CIC: variants seen among roughly 807,000 people sequenced by gnomAD.
The protein encoded by CIC is capicua transcriptional repressor.
A neutral mutation model predicts 115.7 loss-of-function variants in CIC; 18 were observed. The ratio of observed to expected loss-of-function variants is 0.16; its 90% CI spans 0.11 to 0.23. The LOEUF is 0.23. CIC is among the 10% of genes least tolerant of loss of function. CIC has a pLI of 1.00. For synonymous variants in CIC, 1,076 were observed against 923.0 expected, an observed-to-expected ratio of 1.17 and a Z score of -3.01; for missense variants, 2,000 against 2,159.3, an observed-to-expected ratio of 0.93 and a Z score of 1.46.
chr19:42,276,457 G>T (rs1001343201), intron 2 of CIC, among the ~76,000 whole-genome samples: 2 of 151,760 alleles, frequency 1.3e-5, no homozygotes, highest in African/African-American at 2.4e-5. Flanking sequence ...ATGTGGGTAG[G>T]AGCCGCTGTG....
At chr19:42,292,252 G>A (rs2147295835) in intron 13 of CIC, 45 bp downstream of exon 13, 1 of 1,613,788 alleles carries the variant, frequency 6.2e-7, no homozygotes. Flanking sequence ...GAAGGGGTGG[G>A]GCGGGGCCGG....
Position 42,295,309 on chromosome 19 carries a change from G to T in CIC, c.*118G>T. On this transcript the variant is annotated 3_prime_UTR_variant, in exon 21 of 21. Transcript: ENST00000681038. The stretch of plus-strand genomic sequence containing the variant: ...CATTTCGTCCTCTCCAGTTTGGGGC[G>T]GAATGAGGCCTGCTCCTCTTGTAAA... 1.1e-6 allele frequency: 1 copy of T among 892,884 alleles called. No individual in the cohort carries two copies. The allele number at this position is 892,884 out of a possible 1,614,324, so 55.3% of individuals were successfully genotyped here.
At position 42,272,348 on chromosome 19, in the gene CIC, C is replaced by A. The variant is rs543498277; in HGVS notation, c.565C>A (p.Pro189Thr). ...PAEACGPGPW[P>T]PGSTSGSYDL... ...TGAGGCTTGTGGTCCAGGCCCTTGGCCCCCTGGCAGCACCAGTGGCAGCTA... is the reference window on the plus strand; with the variant it reads ...TGAGGCTTGTGGTCCAGGCCCTTGGACCCCTGGCAGCACCAGTGGCAGCTA... Residue 189 changes from proline to threonine, a missense_variant, in exon 2 of 21, where the codon CCC becomes ACC. Pro to Thr is a conservative substitution (Grantham distance 38). Coordinates refer to ENST00000681038, the MANE Select transcript of CIC (RefSeq NM_001386298.1). 654 of 398,550 alleles carry A rather than the reference C, an allele frequency of 1.6e-3. 7 individuals are homozygous for A. Among genetic ancestry groups the A allele is most frequent in the Middle Eastern group, 0.013 (21 of 1,588 alleles). The allele number at this position is 398,550 out of a possible 1,614,324, so 24.7% of individuals were successfully genotyped here.
intron 19 of CIC, 51 bp downstream of exon 19, chr19:42,294,355 G>C: frequency 2.5e-6 from 4 of 1,607,622 alleles, no homozygotes; most frequent in Non-Finnish European, 3.4e-6. Context: ...AAGAGGAGTG[G>C]GTCTCTGGAA....
At position 42,274,505 on chromosome 19, in the gene CIC, G is replaced by A. The variant is rs1599852488; in HGVS notation, c.2722G>A (p.Val908Ile). Residue 908 changes from valine (V) to isoleucine (I), a missense_variant, in exon 2 of 21, where the codon GTT becomes ATT. Physicochemically the swap from Val to Ile is conservative, Grantham distance 29. Transcript: ENST00000681038. ...FHPSPAALLP[V>I]LVPSSYTSHP... ...CCCCTCACCTGCTGCCCTGTTGCCC[G>A]TTTTGGTGCCCAGCAGCTATACCAG... 5.0e-6 allele frequency: 2 copies of A among 398,984 alleles called. No homozygotes were observed. Among genetic ancestry groups the A allele is most frequent in the Non-Finnish European group, 8.8e-6 (2 of 226,290 alleles). 24.7% of individuals were successfully genotyped at this position (398,984 alleles called of 1,614,324 possible).
rs773132643 is a variant in CIC at position 42,294,934 on chromosome 19, C to T, written c.7297C>T (p.Pro2433Ser). The T allele has an allele frequency of 2.5e-6, 4 of 1,600,470 alleles. No individual in the cohort carries two copies. The South Asian group carries it at 3.3e-5, about 13-fold the overall frequency. ...CCAGAAGATCATGCAGGCTGCCACT[C>T]CCACGGAGCAGCCCCCTGGAGCTGA... ...VRQKIMQAAT[P>S]TEQPPGAEAP... The change falls in exon 21 of 21, where the codon CCC becomes TCC. Residue 2433 changes from proline to serine, a missense_variant. By Grantham distance (74) the Pro-to-Ser change is moderately conservative (BLOSUM62 -1). Coordinates refer to ENST00000681038, the MANE Select transcript of CIC (RefSeq NM_001386298.1).
At position 42,290,949 on chromosome 19, in the gene CIC, A is replaced by C; in HGVS notation, c.4908A>C (p.Leu1636Phe). Residue 1636 changes from leucine (L) to phenylalanine (F), a missense_variant, in exon 11 of 21, where the codon TTA (leucine) becomes TTC (phenylalanine). Coordinates refer to ENST00000681038, the MANE Select transcript of CIC (RefSeq NM_001386298.1). ...VPGGSPLGVS[L>F]VYSDKKSAAA... ...GGGGCTCCCCGCTGGGTGTCAGCTT[A>C]GTGTATTCGGACAAGAAGTCGGCAG... 6.2e-7 allele frequency: 1 copy of C among 1,613,662 alleles called. No individual in the cohort carries two copies. The highest frequency in any genetic ancestry group is 8.5e-7 in the Non-Finnish European group (1 of 1,179,998).
At chr19:42,281,710 G>T (rs954104540) in intron 2 of CIC, among the ~76,000 whole-genome samples, 1 of 152,190 alleles carries the variant, frequency 6.6e-6, no homozygotes, top group African/African-American at 2.4e-5. Flanking sequence ...GGGCAGGGGG[G>T]CCCTTCCCGC....
intron 2 of CIC, among the ~76,000 whole-genome samples, chr19:42,283,801 C>T (rs537265525): frequency 6.6e-6 from 1 of 152,222 alleles, no homozygotes; most frequent in African/African-American, 2.4e-5. Flanking sequence ...TGCGCCCTCC[C>T]TGCCACCCTC....
intron 2 of CIC, among the ~76,000 whole-genome samples, 170 bp from the exon 3 acceptor site, chr19:42,286,601 G>T (rs2037661661): frequency 6.6e-6 from 1 of 150,448 alleles, no homozygotes; most frequent in Non-Finnish European, 1.5e-5. Flanking sequence ...ACCTTTCAGG[G>T]AGGAGTTTTT....
chr19:42,271,846 C>A lies in CIC; in HGVS notation c.63C>A (p.Pro21=). 2.5e-6 allele frequency: 1 copy of A among 398,736 alleles called. No individual in the cohort carries two copies. The highest frequency in any genetic ancestry group is 6.3e-4 in the Middle Eastern group (1 of 1,592). 24.7% of individuals were successfully genotyped at this position (398,736 alleles called of 1,614,324 possible). A position where few individuals can be genotyped will look rare whatever the true frequency, so the allele number is the denominator to read the frequency against. ...GTCCTGGCAGTGGCAGCAAGTCCCCCCCAGCCACCAGGGCCAAGGCTCTGA... is the reference window on the plus strand; with the variant it reads ...GTCCTGGCAGTGGCAGCAAGTCCCCACCAGCCACCAGGGCCAAGGCTCTGA... ...LSGPGSGSKS[P]PATRAKALRR... The change falls in exon 2 of 21, where the codon CCC becomes CCA. Residue 21 remains proline, a synonymous_variant. Transcript: ENST00000681038.
At position 42,273,256 on chromosome 19, in the gene CIC, C is replaced by T. The variant is rs1445329414; in HGVS notation, c.1473C>T (p.Ser491=). 6 of 398,484 alleles carry T rather than the reference C, an allele frequency of 1.5e-5. No homozygotes were observed. The highest frequency in any genetic ancestry group is 6.2e-5 in the African/African-American group (3 of 48,628). The allele number at this position is 398,484 out of a possible 1,614,324, so 24.7% of individuals were successfully genotyped here. ...YKKGDVVCTP[S]GIRKKFNGKQ... is the part of the protein sequence containing the mutation. ...AGGGCGATGTGGTCTGCACACCCAG[C>T]GGAATACGAAAGAAGTTCAACGGCA... The change falls in exon 2 of 21, where the codon AGC becomes AGT. Residue 491 remains serine, a synonymous_variant. Transcript: ENST00000681038.
At position 42,290,745 on chromosome 19, in the gene CIC, C is replaced by T. The variant is rs2038031070; in HGVS notation, c.4704C>T (p.Ala1568=). Residue 1568 remains alanine (A), a synonymous_variant, in exon 11 of 21, where the codon GCC becomes GCT. Transcript: ENST00000681038. The stretch of plus-strand genomic sequence containing the variant: ...CCGCCCCATCACTGGCCTATGGGGC[C>T]CCAGCAGCTCCCCTGTCCCGTCCTG... ...SAPAPSLAYG[A]PAAPLSRPAA... The T allele has an allele frequency of 1.2e-6, 2 of 1,612,316 alleles. No homozygotes were observed. The highest frequency in any genetic ancestry group is 1.7e-6 in the Non-Finnish European group (2 of 1,179,720).
At chr19:42,282,150 G>A (rs561100227) in intron 2 of CIC, among the ~76,000 whole-genome samples, 1 of 152,304 alleles carries the variant, frequency 6.6e-6, no homozygotes, top group East Asian at 1.9e-4. Context: ...GAAGGAGGGG[G>A]CAGTCACCTA....
At chr19:42,269,494 A>C (rs1331834564) in intron 1 of CIC, 113 bp downstream of exon 1, 1 of 104,204 alleles carries the variant, frequency 9.6e-6, no homozygotes, top group Non-Finnish European at 1.9e-5. Flanking sequence ...GGGTGGGCGG[A>C]ATGGTGGGAA....
In CIC at chr19:42,295,143, G is replaced by GGGGGGCCCCCCCC; in HGVS notation, c.7506_7507insGGGGGCCCCCCCC (p.Pro2503GlyfsTer24). 2.5e-5 allele frequency: 34 copies of GGGGGGCCCCCCCC among 1,382,646 alleles called. No individual in the cohort carries two copies. Among genetic ancestry groups the GGGGGGCCCCCCCC allele is most frequent in the South Asian group, 4.1e-5 (3 of 73,376 alleles). The allele number at this position is 1,382,646 out of a possible 1,614,324, so 85.6% of individuals were successfully genotyped here. On this transcript the variant is annotated frameshift_variant, in exon 21 of 21. Transcript: ENST00000681038. LOFTEE classifies it high-confidence loss of function. ...AGCCTGGCTGGGAGGGGGCTCCCCA[G>GGGGGGCCCCCCCC]CCCTCCCCCCCACCCCCAGGTCCCT...
At chr19:42,284,678 C>T (rs1170019854) in intron 2 of CIC, 2 of 1,532,218 alleles carry the variant, frequency 1.3e-6, no homozygotes, top group African/African-American at 1.4e-5. Flanking sequence ...GGTGCGAGCC[C>T]CTGCCGGGTC....
At chr19:42,269,428 G>A in intron 1 of CIC, 47 bp downstream of exon 1, 1 of 141,242 alleles carries the variant, frequency 7.1e-6, no homozygotes, top group Non-Finnish European at 1.6e-5. Flanking sequence ...GGTCCGGGGG[G>A]CTGGGGGCCG....
At chr19:42,294,489 C>T (rs780154157) in intron 19 of CIC, 115 bp from the exon 20 acceptor site, 14 of 1,570,320 alleles carry the variant, frequency 8.9e-6, no homozygotes, top group Non-Finnish European at 1.1e-5. Flanking sequence ...GGCAGGACCC[C>T]TCTCTGACTC....
Sources: allele counts gnomAD v4.1 joint callset (sites outside exome capture counted in the v4.1 genomes callset), GRCh38; gene constraint gnomAD v4.1.1; transcripts MANE v1.5; gene names NCBI Gene and HGNC (gene_info 2026-07-23, HGNC 2026-07-21).